Variants in ATP8B4 observed in about 807,000 individuals in gnomAD.
The protein encoded by ATP8B4 is probable phospholipid-transporting ATPase IM.
ATP8B4 carries 133 observed loss-of-function variants against 145.6 expected under a neutral mutation model. That is an observed-to-expected ratio of 0.91 (90% CI 0.79 to 1.05). ATP8B4 has a LOEUF of 1.05. Among genes scored for constraint, ATP8B4 ranks in the 50% least tolerant of loss-of-function variants. ATP8B4 has a pLI of 0.00. For synonymous variants in ATP8B4, 507 were observed against 492.9 expected (o/e 1.03, Z -0.38); for missense variants, 1,458 against 1,425.2 (o/e 1.02, Z -0.37).
chr15:50,121,560 C>T (rs191871760), upstream of ATP8B4, among the ~76,000 whole-genome samples: 3 of 152,006 alleles, frequency 2.0e-5, no homozygotes, highest in African/African-American at 4.8e-5. Flanking sequence ...AGTAGAAAGA[C>T]GGGGAACAGA....
chr15:50,044,135 A>C (rs2051539947), intron 5 of ATP8B4, among the ~76,000 whole-genome samples: 1 of 152,196 alleles, frequency 6.6e-6, no homozygotes, highest in African/African-American at 2.4e-5. Flanking sequence ...TGGTGTCCCT[A>C]ACCCCCACAT....
intron 25 of ATP8B4, among the ~76,000 whole-genome samples, chr15:49,875,119 C>T (rs2034208549): frequency 6.6e-6 from 1 of 152,216 alleles, no homozygotes; most frequent in African/African-American, 2.4e-5. Context: ...TGCACACACA[C>T]ATACACACAA....
chr15:50,074,281 G>A (rs1461878892), intron 2 of ATP8B4, 96 bp from the exon 3 acceptor site: 1 of 1,033,992 alleles, frequency 9.7e-7, no homozygotes, highest in Non-Finnish European at 1.4e-6. Flanking sequence ...TTGTTGTTAA[G>A]GCTGCAAGAA....
chr15:50,129,276 T>C (rs1424922957), intron 1 of ATP8B4, among the ~76,000 whole-genome samples: 2 of 152,098 alleles, frequency 1.3e-5, no homozygotes, highest in East Asian at 1.9e-4. Flanking sequence ...ACAAGCTGGG[T>C]GGCTTAAAAC....
chr15:49,934,256 T>C, intron 14 of ATP8B4, 74 bp from the exon 15 acceptor site: 2 of 1,477,664 alleles, frequency 1.4e-6, no homozygotes, highest in Non-Finnish European at 1.8e-6. Context: ...TCAAAAATAG[T>C]TCCCCCAAGT....
intron 14 of ATP8B4, among the ~76,000 whole-genome samples, chr15:49,935,539 C>G (rs979104621): frequency 1.3e-5 from 2 of 151,988 alleles, no homozygotes; most frequent in Non-Finnish European, 2.9e-5. Flanking sequence ...TGTTTTCAAT[C>G]AAAGCAATAC....
chr15:50,162,510 TG>T (rs1208576288), intron 1 of ATP8B4, among the ~76,000 whole-genome samples: 21 of 151,884 alleles, frequency 1.4e-4, no homozygotes, highest in Non-Finnish European at 2.7e-4. Flanking sequence ...TATTCTTTTT[TG>T]TTTTTTTCTT....
chr15:49,880,456 A>G (rs1295722592), intron 23 of ATP8B4: 1 of 152,278 alleles, frequency 6.6e-6, no homozygotes, highest in Non-Finnish European at 1.5e-5. Flanking sequence ...TGTAGGAAGA[A>G]TAATGGATGT....
intron 4 of ATP8B4, among the ~76,000 whole-genome samples, chr15:50,045,115 C>A (rs1759632254): frequency 6.6e-6 from 1 of 152,214 alleles, no homozygotes; most frequent in African/African-American, 2.4e-5. Context: ...TTTATTACAT[C>A]ATTTAATCCT....
intron 9 of ATP8B4, among the ~76,000 whole-genome samples, chr15:49,994,710 A>T (rs1031781959): frequency 1.3e-5 from 2 of 152,088 alleles, no homozygotes; most frequent in Admixed American, 6.6e-5. Context: ...CCAGTCCTGC[A>T]GTTCCATGTA....
At chr15:50,062,859 A>G (rs2053123974) in intron 3 of ATP8B4, among the ~76,000 whole-genome samples, 1 of 152,198 alleles carries the variant, frequency 6.6e-6, no homozygotes, top group Non-Finnish European at 1.5e-5. Flanking sequence ...AAAGAAGTTC[A>G]GCTCATTTGT....
At chr15:50,046,382 G>C (rs752956518) in intron 4 of ATP8B4, among the ~76,000 whole-genome samples, 1 of 151,850 alleles carries the variant, frequency 6.6e-6, no homozygotes, top group Non-Finnish European at 1.5e-5. Context: ...ACCTAAGAAA[G>C]GCCAATGTGT....
At chr15:49,875,239 T>C (rs2034229280) in intron 25 of ATP8B4, among the ~76,000 whole-genome samples, 1 of 152,208 alleles carries the variant, frequency 6.6e-6, no homozygotes, top group Non-Finnish European at 1.5e-5. Context: ...ATGTTTTCTA[T>C]TTGCTGCTTC....
In ATP8B4 at chr15:49,892,098, G is replaced by A. The variant is rs1397736669; in HGVS notation, c.2697+5194C>T. ...ACCACCGCACTCCAGCTTGGCAACAGAGCAAGACTCACCTAAAAAAAAAAA... is the reference window on the plus strand; with the variant it reads ...ACCACCGCACTCCAGCTTGGCAACAAAGCAAGACTCACCTAAAAAAAAAAA... On this transcript the variant is annotated intron_variant, in intron 23 of 27. Transcript: ENST00000284509. 4.2e-5 allele frequency among the ~76,000 whole-genome samples: 6 copies of A among 144,414 alleles called. No individual in the cohort carries two copies. The East Asian group carries it at 1.0e-3, about 24-fold the overall frequency. The allele number at this position is 144,414 out of a possible 152,430, so 94.7% of individuals were successfully genotyped here.
chr15:50,139,774 T>C (rs952211573), intron 1 of ATP8B4, among the ~76,000 whole-genome samples: 2 of 152,204 alleles, frequency 1.3e-5, no homozygotes, highest in African/African-American at 4.8e-5. Context: ...AATATGCATA[T>C]TAGGGGAAGT....
chr15:50,130,074 T>C (rs2057335695), intron 1 of ATP8B4, among the ~76,000 whole-genome samples: 1 of 152,126 alleles, frequency 6.6e-6, no homozygotes, highest in Non-Finnish European at 1.5e-5. Context: ...ACTTCTTTGG[T>C]TCTCTACTCT....
At chr15:49,949,421 T>C (rs1418073616) in intron 14 of ATP8B4, among the ~76,000 whole-genome samples, 1 of 152,216 alleles carries the variant, frequency 6.6e-6, no homozygotes, top group African/African-American at 2.4e-5. Context: ...TTTTATTCTC[T>C]TCGTAGTGAT....
chr15:50,019,759 T>A (rs1201542006), intron 6 of ATP8B4, among the ~76,000 whole-genome samples: 2 of 152,200 alleles, frequency 1.3e-5, no homozygotes, highest in African/African-American at 4.8e-5. Context: ...TTTATCACAG[T>A]TGGCCACCCC....
chr15:49,867,643 C>T (rs2033025403), intron 25 of ATP8B4, among the ~76,000 whole-genome samples: 1 of 152,000 alleles, frequency 6.6e-6, no homozygotes, highest in African/African-American at 2.4e-5. Flanking sequence ...TAAGAGTAGG[C>T]AAAGAAAAAT....
Sources: allele counts gnomAD v4.1 joint callset (sites outside exome capture counted in the v4.1 genomes callset), GRCh38; gene constraint gnomAD v4.1.1; transcripts MANE v1.5; gene names NCBI Gene and HGNC (gene_info 2026-07-23, HGNC 2026-07-21).